Variants in CSMD1 observed in about 807,000 individuals in gnomAD.
CSMD1 encodes CUB and Sushi multiple domains 1.
A neutral mutation model predicts 417.5 loss-of-function variants in CSMD1; 213 were observed. That is an observed-to-expected ratio of 0.51 (90% CI 0.46 to 0.57). The LOEUF (loss-of-function observed/expected upper bound fraction) is 0.57, where lower values mean the gene tolerates loss of function less well. Among genes scored for constraint, CSMD1 ranks in the 20% least tolerant of loss-of-function variants. CSMD1 has a pLI of 0.00. For synonymous variants in CSMD1, 2,862 were observed against 1,736.8 expected, an observed-to-expected ratio of 1.65 and a Z score of -16.11; for missense variants, 6,923 against 4,529.7, an observed-to-expected ratio of 1.53 and a Z score of -15.17.
chr8:3,170,771 T>A (rs557671533), intron 37 of CSMD1, among the ~76,000 whole-genome samples: 2 of 152,354 alleles, frequency 1.3e-5, no homozygotes, highest in Non-Finnish European at 2.9e-5. Flanking sequence ...AGTTTGTATT[T>A]AAAATGGACT....
At chr8:4,901,726 C>T (rs1804881641) in intron 1 of CSMD1, among the ~76,000 whole-genome samples, 1 of 152,154 alleles carries the variant, frequency 6.6e-6, no homozygotes, top group African/African-American at 2.4e-5. Context: ...ATAGAGGATG[C>T]TGAATCATAT....
At chr8:4,941,273 T>TTGAG (rs1156303270) in intron 1 of CSMD1, among the ~76,000 whole-genome samples, 1 of 38,824 alleles carries the variant, frequency 2.6e-5, no homozygotes, top group Non-Finnish European at 7.4e-5. Flanking sequence ...GTAACATTCT[T>TTGAG]TGATTCAAAA....
At chr8:3,714,597 C>T (rs540363746) in intron 6 of CSMD1, among the ~76,000 whole-genome samples, 33 of 102,390 alleles carry the variant, frequency 3.2e-4, no homozygotes, top group African/African-American at 1.3e-3. Context: ...CCCAGCCAGG[C>T]ATGGTGGCGG....
At chr8:4,761,870 T>TCTACCTAC (rs1812101263) in intron 1 of CSMD1, among the ~76,000 whole-genome samples, 1 of 88,380 alleles carries the variant, frequency 1.1e-5, no homozygotes, top group Non-Finnish European at 2.4e-5. Flanking sequence ...TATCTATCTA[T>TCTACCTAC]CTATCTATCT....
At chr8:4,609,485 T>A (rs1241522598) in intron 2 of CSMD1, among the ~76,000 whole-genome samples, 1 of 152,240 alleles carries the variant, frequency 6.6e-6, no homozygotes, top group Admixed American at 6.5e-5. Context: ...TTGATTAATA[T>A]ATGAATTCAA....
chr8:4,222,542 C>T (rs1328957691), intron 3 of CSMD1, among the ~76,000 whole-genome samples: 1 of 151,916 alleles, frequency 6.6e-6, no homozygotes, highest in Admixed American at 6.6e-5. Context: ...ACATAAAAAC[C>T]ACAGAAGTAC....
At chr8:3,908,896 G>A (rs1199243923) in intron 5 of CSMD1, among the ~76,000 whole-genome samples, 2 of 152,182 alleles carry the variant, frequency 1.3e-5, no homozygotes, top group African/African-American at 4.8e-5. Flanking sequence ...TCCCTAAGAG[G>A]AAGATCACTC....
rs752219584 is a variant in CSMD1, at chr8:3,445,297, AG to A, written c.1561+23414del. 2.0e-4 allele frequency among the ~76,000 whole-genome samples: 31 copies of A among 152,294 alleles called. No homozygotes were observed. The Middle Eastern group carries it at 0.01, about 50-fold the overall frequency. On this transcript the variant is annotated intron_variant, in intron 12 of 69. Transcript: ENST00000635120. ...AGTTATAATTTTGGGGACGTCACTA[AG>A]GTAAGGGTACTAATATATCCTGGGT...
chr8:4,271,171 CAT>C (rs1804568560), intron 3 of CSMD1, among the ~76,000 whole-genome samples: 2 of 152,080 alleles, frequency 1.3e-5, no homozygotes, highest in Non-Finnish European at 2.9e-5. Context: ...ATTTGCATTA[CAT>C]ATGTTTTCAT....
rs979619268 is a variant in CSMD1, at chr8:4,682,473, GA to G, written c.86-44916del. 1.2e-3 allele frequency among the ~76,000 whole-genome samples: 181 copies of G among 151,910 alleles called. 1 individual carries two copies. The highest frequency in any genetic ancestry group is 4.2e-3 in the African/African-American group (176 of 41,432). The stretch of plus-strand genomic sequence containing the variant: ...TTTCATAGGAATAATATTTCTATAT[GA>G]AAAATAGAATAATATGAAAGATACA... On this transcript the variant is annotated intron_variant, in intron 1 of 69. Transcript: ENST00000635120.
chr8:3,240,130 C>G (rs949211403), intron 26 of CSMD1, among the ~76,000 whole-genome samples: 4 of 152,132 alleles, frequency 2.6e-5, no homozygotes, highest in African/African-American at 9.7e-5. Context: ...ACAGTAAGGT[C>G]AAGTAATTTG....
intron 16 of CSMD1, 133 bp downstream of exon 16, chr8:3,399,258 G>C: frequency 1.4e-6 from 1 of 735,008 alleles, no homozygotes; most frequent in Non-Finnish European, 2.2e-6. Context: ...GTAAGTGCCT[G>C]TTTCTGGTAA....
intron 12 of CSMD1, among the ~76,000 whole-genome samples, chr8:3,441,332 G>A (rs1166106141): frequency 1.3e-5 from 2 of 151,858 alleles, no homozygotes; most frequent in Non-Finnish European, 2.9e-5. Context: ...AACTAATAGG[G>A]GTGTTGAATT....
intron 1 of CSMD1, among the ~76,000 whole-genome samples, chr8:4,775,975 G>A (rs530289602): frequency 3.3e-5 from 5 of 152,246 alleles, no homozygotes; most frequent in African/African-American, 9.6e-5. Context: ...TAAATGAGAC[G>A]GAGGGAACAG....
chr8:4,793,396 A>G (rs1179203145), intron 1 of CSMD1, among the ~76,000 whole-genome samples: 1 of 152,116 alleles, frequency 6.6e-6, no homozygotes, highest in African/African-American at 2.4e-5. Flanking sequence ...GTTTCAAAAT[A>G]TGGTAAAAAT....
chr8:3,188,304 CTTTTTTTTT>C (rs33913660), intron 35 of CSMD1, among the ~76,000 whole-genome samples: 2 of 87,624 alleles, frequency 2.3e-5, no homozygotes. Context: ...CTTTTCCTTT[CTTTTTTTTT>C]TTTTTTTTTT....
At chr8:3,463,573 C>A (rs1012666156) in intron 12 of CSMD1, among the ~76,000 whole-genome samples, 2 of 152,178 alleles carry the variant, frequency 1.3e-5, no homozygotes, top group Non-Finnish European at 2.9e-5. Flanking sequence ...TGGCTTCATG[C>A]TCACAAGGAC....
chr8:4,399,029 T>C lies in CSMD1; in HGVS notation c.415+20924A>G, dbSNP rs545363058. 3.2e-4 allele frequency among the ~76,000 whole-genome samples: 49 copies of C among 152,304 alleles called. 1 individual carries two copies. Among genetic ancestry groups the C allele is most frequent in the Middle Eastern group, 3.4e-3 (1 of 294 alleles). ...ATATGTACACAGCTTTGTAAATAAG[T>C]ATGAGACAAGTGTTCTGTAAGAATC... On this transcript the variant is annotated intron_variant, in intron 3 of 69. Coordinates refer to ENST00000635120, the MANE Select transcript of CSMD1 (RefSeq NM_033225.6).
chr8:2,939,696 C>T (rs1270777620), intron 69 of CSMD1, among the ~76,000 whole-genome samples: 1 of 152,204 alleles, frequency 6.6e-6, no homozygotes, highest in African/African-American at 2.4e-5. Context: ...CCTTATGTTA[C>T]ACATGCTCAT....
Sources: gnomAD v4.1 joint callset for allele counts (sites outside exome capture counted in the v4.1 genomes callset) on GRCh38, gnomAD v4.1.1 for gene constraint, MANE v1.5 for transcripts, NCBI Gene and HGNC (gene_info 2026-07-23, HGNC 2026-07-21) for gene names.